TET1: variants seen among roughly 807,000 people sequenced by gnomAD.
TET1 encodes the protein methylcytosine dioxygenase TET1.
A neutral mutation model predicts 148.7 loss-of-function variants in TET1; 13 were observed. That is an observed-to-expected ratio of 0.09 (90% CI 0.06 to 0.14). TET1 has a LOEUF of 0.14. Ranked by LOEUF, TET1 falls within the 10% of genes least tolerant of loss-of-function variation. The probability of loss-of-function intolerance (pLI) is 1.00; values close to 1 mark genes in which losing one functional copy is unlikely to be tolerated. For synonymous variants in TET1, 907 were observed against 937.2 expected (o/e 0.97, Z 0.59); for missense variants, 2,182 against 2,553.8 (o/e 0.85, Z 3.14).
In TET1 at chr10:68,572,552, A is replaced by G; in HGVS notation, c.214A>G (p.Ser72Gly). 6.2e-7 allele frequency: 1 copy of G among 1,614,136 alleles called. No individual in the cohort carries two copies. Among genetic ancestry groups the G allele is most frequent in the Non-Finnish European group, 8.5e-7 (1 of 1,180,008 alleles). ...TEPKPPVPVR[S>G]LLTRAGAARM... is the part of the protein sequence containing the mutation. ...ACCTAAACCACCCGTGCCAGTCAGA[A>G]GCCTTCTGACAAGAGCTGGAGCAGC... The change falls in exon 2 of 12, where the codon AGC becomes GGC. Residue 72 changes from serine to glycine, a missense_variant. By Grantham distance (56) the Ser-to-Gly change is moderately conservative. Coordinates refer to ENST00000373644, the MANE Select transcript of TET1 (RefSeq NM_030625.3).
In TET1 at chr10:68,663,552, TA is replaced by T. The variant is rs1351676280; in HGVS notation, c.4462-3491del. Among the ~76,000 whole-genome samples, 3 of 152,218 alleles carry T rather than the reference TA, an allele frequency of 2.0e-5. No individual in the cohort carries two copies. In the East Asian group the frequency reaches 5.8e-4, roughly 29 times the overall value. On this transcript the variant is annotated intron_variant, in intron 6 of 11. Transcript: ENST00000373644. The stretch of plus-strand genomic sequence containing the variant: ...TCTAGAAAGACTATTATAGCTATAA[TA>T]ATTGTGTCCTATTATTTTAATACCA...
rs139453548 is a variant in TET1, at chr10:68,646,769, C to G, written c.4040C>G (p.Pro1347Arg). The stretch of plus-strand genomic sequence containing the variant: ...GGTATCTCTCATGAAACACCCTTAC[C>G]GGAGTCAGCACTAACTCTCAGGAAT... ...LPGISHETPL[P>R]ESALTLRNVN... Residue 1347 changes from proline to arginine, a missense_variant, in exon 4 of 12, where the codon CCG becomes CGG. By Grantham distance (103) the Pro-to-Arg change is moderately radical. Coordinates refer to ENST00000373644, the MANE Select transcript of TET1 (RefSeq NM_030625.3). 19 of 1,614,132 alleles carry G rather than the reference C, an allele frequency of 1.2e-5. No homozygotes were observed. The highest frequency in any genetic ancestry group is 8.9e-5 in the East Asian group (4 of 44,886).
At chr10:68,688,530 G>A (rs2055547902) in intron 11 of TET1, among the ~76,000 whole-genome samples, 1 of 137,574 alleles carries the variant, frequency 7.3e-6, no homozygotes, top group African/African-American at 2.7e-5. Context: ...TGCCTCCCGG[G>A]TTCACGCCAT....
At chr10:68,620,938 T>C (rs1268345632) in intron 3 of TET1, among the ~76,000 whole-genome samples, 1 of 152,218 alleles carries the variant, frequency 6.6e-6, no homozygotes, top group African/African-American at 2.4e-5. Context: ...TGGCCATTTG[T>C]ATGTTTTCTT....
At chr10:68,583,801 C>T (rs10998305) in intron 2 of TET1, among the ~76,000 whole-genome samples, 20,173 of 151,896 alleles carry the variant, frequency 0.13, 1,750 homozygotes, top group South Asian at 0.24. Flanking sequence ...GTCCTAGCTA[C>T]TCAGGAGGCT....
intron 2 of TET1, among the ~76,000 whole-genome samples, chr10:68,575,469 G>A (rs2053717524): frequency 6.6e-6 from 1 of 152,072 alleles, no homozygotes; most frequent in Non-Finnish European, 1.5e-5. Context: ...CCAGGACTTT[G>A]GGAGGCCAAG....
intron 3 of TET1, among the ~76,000 whole-genome samples, chr10:68,617,793 G>A (rs956772834): frequency 3.3e-5 from 5 of 151,520 alleles, no homozygotes; most frequent in Admixed American, 1.3e-4. Context: ...TGATCCACCC[G>A]CCTCGACCTC....
intron 6 of TET1, among the ~76,000 whole-genome samples, chr10:68,653,356 T>C (rs1406654506): frequency 6.6e-6 from 1 of 152,190 alleles, no homozygotes; most frequent in Non-Finnish European, 1.5e-5. Flanking sequence ...TTAATCAGCA[T>C]GAGATTGCTC....
At chr10:68,632,336 G>T in intron 3 of TET1, 4 of 1,535,296 alleles carry the variant, frequency 2.6e-6, no homozygotes, top group South Asian at 2.3e-5. Flanking sequence ...AAAAAAGAAA[G>T]GGTGCAGGGC....
intron 3 of TET1, among the ~76,000 whole-genome samples, chr10:68,629,234 G>T (rs904791373): frequency 1.3e-5 from 2 of 151,882 alleles, no homozygotes; most frequent in Admixed American, 6.6e-5. Flanking sequence ...GTGTGGTGGC[G>T]AGTGCCTGTA....
In TET1 at chr10:68,565,228, G is replaced by A. The variant is rs141257210; in HGVS notation, c.-123+4486G>A. 6.6e-4 allele frequency among the ~76,000 whole-genome samples: 100 copies of A among 152,138 alleles called. 1 individual carries two copies. The highest frequency in any genetic ancestry group is 2.2e-3 in the African/African-American group (93 of 41,486). On this transcript the variant is annotated intron_variant, in intron 1 of 11. Coordinates refer to ENST00000373644, the MANE Select transcript of TET1 (RefSeq NM_030625.3). ...ATGGTGGCCCACACCTGTAGTCCTA[G>A]CACTTTAAGAGGCTCAGGAGGGCAG...
intron 3 of TET1, among the ~76,000 whole-genome samples, chr10:68,601,817 C>T (rs1321261566): frequency 1.4e-5 from 2 of 146,688 alleles, no homozygotes; most frequent in Admixed American, 1.3e-4. Flanking sequence ...TTGCAAGCCA[C>T]CTTTTAAATT....
At position 68,687,731 on chromosome 10, in the gene TET1, G is replaced by A. The variant is rs150701951; in HGVS notation, c.5404+1024G>A. On this transcript the variant is annotated intron_variant, in intron 11 of 11. Coordinates refer to ENST00000373644, the MANE Select transcript of TET1 (RefSeq NM_030625.3). ...AGCCTCCCAAGTAGCTGAGACTGTA[G>A]TGTGTGTGCCACTGTGTCTAGCTAA... is the stretch of plus-strand genomic sequence containing the variant. Among the ~76,000 whole-genome samples the A allele has an allele frequency of 3.8e-3, 586 of 152,216 alleles. 3 individuals are homozygous for A. The highest frequency in any genetic ancestry group is 0.013 in the African/African-American group (551 of 41,550).
chr10:68,655,023 GA>G (rs1173398406), intron 6 of TET1, among the ~76,000 whole-genome samples: 1 of 152,154 alleles, frequency 6.6e-6, no homozygotes, highest in Non-Finnish European at 1.5e-5. Context: ...AAGAGAGCAA[GA>G]AGGAAACTAC....
Position 68,629,041 on chromosome 10 carries a change from T to G in TET1, c.1969-15657T>G, listed in dbSNP as rs998875468. The stretch of plus-strand genomic sequence containing the variant: ...CTAAAATAGAAATTCATCGTTTTGG[T>G]ATCCCTGCATTTTATTTTAGTCACT... On this transcript the variant is annotated intron_variant, in intron 3 of 11. Coordinates refer to ENST00000373644, the MANE Select transcript of TET1 (RefSeq NM_030625.3). Among the ~76,000 whole-genome samples the G allele has an allele frequency of 3.3e-5, 5 of 152,236 alleles. 1 individual carries two copies. Among genetic ancestry groups the G allele is most frequent in the Admixed American group, 3.3e-4 (5 of 15,278 alleles).
chr10:68,650,631 CA>C (rs2054918026), intron 4 of TET1, among the ~76,000 whole-genome samples: 1 of 151,256 alleles, frequency 6.6e-6, no homozygotes, highest in African/African-American at 2.4e-5. Flanking sequence ...AACGCCATCT[CA>C]AAAAAATAAT....
At chr10:68,611,679 T>TTTTC (rs1305875244) in intron 3 of TET1, among the ~76,000 whole-genome samples, 3 of 79,594 alleles carry the variant, frequency 3.8e-5, no homozygotes, top group Non-Finnish European at 6.4e-5. Context: ...CTTTTCTTTC[T>TTTTC]TTTCTTTTCT....
Position 68,600,995 on chromosome 10 carries a change from CAA to C in TET1, c.1930_1931del (p.Lys644GlufsTer16). ...ATTTTTTTTAGGTTATAAAGGAAAA[CAA>C]GAGGCCCCAGAGGGAAAAGAAGCCC... ...VVPLEVIKEN[K>X]RPQREKKPKV... On this transcript the variant is annotated frameshift_variant, in exon 3 of 12. Transcript: ENST00000373644. LOFTEE classifies it high-confidence loss of function. The C allele has an allele frequency of 6.2e-7, 1 of 1,604,424 alleles. No individual in the cohort carries two copies. The highest frequency in any genetic ancestry group is 8.5e-7 in the Non-Finnish European group (1 of 1,177,930).
At chr10:68,620,775 T>G (rs145941139) in intron 3 of TET1, among the ~76,000 whole-genome samples, 44 of 152,318 alleles carry the variant, frequency 2.9e-4, no homozygotes, top group African/African-American at 1.0e-3. Context: ...CTTCATCCTT[T>G]TATGTTCCCA....
Sources: allele counts gnomAD v4.1 joint callset (sites outside exome capture counted in the v4.1 genomes callset), GRCh38; gene constraint gnomAD v4.1.1; transcripts MANE v1.5; gene names NCBI Gene and HGNC (gene_info 2026-07-23, HGNC 2026-07-21).